Variants in TMTC1 observed in about 807,000 individuals in gnomAD.
TMTC1 encodes protein O-mannosyl-transferase TMTC1.
TMTC1 carries 73 observed loss-of-function variants against 104.8 expected under a neutral mutation model. The observed-to-expected ratio is 0.70, with a 90% CI of 0.58 to 0.85. TMTC1 has a LOEUF of 0.85. TMTC1 is among the 40% of genes least tolerant of loss of function. The probability of loss-of-function intolerance (pLI) is 0.00; values close to 1 mark genes in which losing one functional copy is unlikely to be tolerated. For missense variants in TMTC1, 1,035 were observed against 1,096.1 expected (o/e 0.94, Z 0.79); for synonymous variants, 434 against 428.7 (o/e 1.01, Z -0.15).
At chr12:29,766,282 C>T (rs769700172) in intron 2 of TMTC1, among the ~76,000 whole-genome samples, 13 of 152,316 alleles carry the variant, frequency 8.5e-5, no homozygotes, top group Middle Eastern at 3.4e-3. Context: ...AAATGCCCAT[C>T]GTAGAGCCTA....
chr12:29,653,170 C>A (rs7975573), intron 5 of TMTC1, among the ~76,000 whole-genome samples: 1 of 151,912 alleles, frequency 6.6e-6, no homozygotes, highest in Non-Finnish European at 1.5e-5. Context: ...TGTAGGAAAC[C>A]ACTGACCTTG....
intron 5 of TMTC1, among the ~76,000 whole-genome samples, chr12:29,647,070 T>C (rs1939298863): frequency 6.6e-6 from 1 of 152,208 alleles, no homozygotes; most frequent in Non-Finnish European, 1.5e-5. Context: ...TCACCCAGGC[T>C]GGAGTACAGT....
At chr12:29,678,324 C>T (rs1315574181) in intron 5 of TMTC1, among the ~76,000 whole-genome samples, 2 of 152,340 alleles carry the variant, frequency 1.3e-5, no homozygotes, top group Non-Finnish European at 1.5e-5. Context: ...CACAACTTCT[C>T]TGCTTTGCTT....
chr12:29,559,507 G>A (rs1034128791), intron 9 of TMTC1, among the ~76,000 whole-genome samples: 5 of 152,166 alleles, frequency 3.3e-5, no homozygotes, highest in African/African-American at 9.7e-5. Flanking sequence ...AAACAAAAGC[G>A]AATAGTAAGA....
At chr12:29,654,602 G>A (rs147167481) in intron 5 of TMTC1, among the ~76,000 whole-genome samples, 4 of 151,912 alleles carry the variant, frequency 2.6e-5, no homozygotes, top group African/African-American at 9.7e-5. Flanking sequence ...TCCACTCCTA[G>A]GTACATACTC....
intron 1 of TMTC1, among the ~76,000 whole-genome samples, chr12:29,772,183 A>C (rs1592038006): frequency 2.0e-5 from 3 of 152,292 alleles, no homozygotes; most frequent in African/African-American, 7.2e-5. Flanking sequence ...GCTTCATATA[A>C]AAATTTCCAG....
At chr12:29,515,226 C>T (rs1426636981) in intron 15 of TMTC1, among the ~76,000 whole-genome samples, 4 of 150,740 alleles carry the variant, frequency 2.7e-5, no homozygotes, top group African/African-American at 2.5e-5. Flanking sequence ...ATCTGGACCA[C>T]CCCACCAGCC....
intron 5 of TMTC1, among the ~76,000 whole-genome samples, chr12:29,702,827 T>C (rs1016031819): frequency 2.0e-5 from 3 of 152,256 alleles, no homozygotes; most frequent in Non-Finnish European, 4.4e-5. Context: ...AGCTAAGGAC[T>C]GCGATATTTT....
intron 10 of TMTC1, among the ~76,000 whole-genome samples, chr12:29,546,884 T>C (rs776028819): frequency 1.4e-5 from 2 of 141,712 alleles, no homozygotes; most frequent in African/African-American, 4.9e-5. Flanking sequence ...CTGGGCAACA[T>C]AGTGAGTCCT....
intron 5 of TMTC1, among the ~76,000 whole-genome samples, chr12:29,676,358 C>G (rs746141652): frequency 3.3e-5 from 5 of 152,170 alleles, no homozygotes; most frequent in Non-Finnish European, 7.3e-5. Context: ...TCCCACTCTC[C>G]TTAAATATGA....
intron 5 of TMTC1, among the ~76,000 whole-genome samples, chr12:29,656,325 T>C (rs533438751): frequency 3.8e-3 from 570 of 149,200 alleles, no homozygotes; most frequent in Non-Finnish European, 6.9e-3. Flanking sequence ...CCTGGATATA[T>C]ATATATATAT....
chr12:29,725,633 T>C (rs560497569), intron 5 of TMTC1, among the ~76,000 whole-genome samples: 6 of 152,332 alleles, frequency 3.9e-5, no homozygotes, highest in African/African-American at 1.4e-4. Context: ...AAAAGTCCTG[T>C]AAAATATATT....
chr12:29,610,666 C>T (rs1166387338), intron 6 of TMTC1, among the ~76,000 whole-genome samples: 2 of 152,182 alleles, frequency 1.3e-5, no homozygotes, highest in Non-Finnish European at 2.9e-5. Flanking sequence ...CTGATTCCGG[C>T]CCCAGTGGTC....
intron 10 of TMTC1, among the ~76,000 whole-genome samples, chr12:29,553,174 G>C (rs980666272): frequency 5.3e-5 from 8 of 152,184 alleles, no homozygotes; most frequent in African/African-American, 1.9e-4. Context: ...GTGGGTAATG[G>C]AAAGTGAACA....
At chr12:29,659,953 T>A (rs1400470749) in intron 5 of TMTC1, 4 of 1,535,956 alleles carry the variant, frequency 2.6e-6, no homozygotes, top group Non-Finnish European at 3.5e-6. Context: ...CCTCCCATTA[T>A]CCACAGACGG....
intron 5 of TMTC1, among the ~76,000 whole-genome samples, chr12:29,731,210 G>T (rs1942536276): frequency 6.6e-6 from 1 of 152,214 alleles, no homozygotes; most frequent in African/African-American, 2.4e-5. Context: ...AGGCTGGAGT[G>T]CAGTGGTGCA....
At chr12:29,663,848 G>C (rs1940150378) in intron 5 of TMTC1, among the ~76,000 whole-genome samples, 1 of 152,020 alleles carries the variant, frequency 6.6e-6, no homozygotes, top group South Asian at 2.1e-4. Context: ...CTGAAAGCTT[G>C]CTATGATGGC....
intron 8 of TMTC1, among the ~76,000 whole-genome samples, chr12:29,573,182 G>A (rs958905846): frequency 1.3e-5 from 2 of 152,020 alleles, no homozygotes; most frequent in African/African-American, 4.8e-5. Flanking sequence ...ACTCAGAAAG[G>A]CCCTTAGTTA....
rs942385117 is a variant in TMTC1, at chr12:29,633,787, GATA to G, written c.939-454_939-452del. ...AAAATCAAAATATTTGTGGTATGGA[GATA>G]ATATGTGGTAGGAGGGAAACTGCAG... On this transcript the variant is annotated intron_variant, in intron 5 of 17. Coordinates refer to ENST00000539277, the MANE Select transcript of TMTC1 (RefSeq NM_001193451.2). Among the ~76,000 whole-genome samples the G allele has an allele frequency of 5.1e-3, 774 of 152,210 alleles. 7 individuals are homozygous for G. The highest frequency in any genetic ancestry group is 0.018 in the African/African-American group (746 of 41,536).
Sources: allele counts gnomAD v4.1 joint callset (sites outside exome capture counted in the v4.1 genomes callset), GRCh38; gene constraint gnomAD v4.1.1; transcripts MANE v1.5; gene names NCBI Gene and HGNC (gene_info 2026-07-23, HGNC 2026-07-21).